IL1RAPL1: variants seen among roughly 807,000 people sequenced by gnomAD.
IL1RAPL1 encodes the protein interleukin 1 receptor accessory protein like 1, also known as interleukin-1 receptor accessory protein-like 1.
IL1RAPL1 carries 3 observed loss-of-function variants against 48.4 expected under a neutral mutation model. The ratio of observed to expected loss-of-function variants is 0.06; its 90% CI spans 0.03 to 0.16. The LOEUF (loss-of-function observed/expected upper bound fraction) is 0.16, where lower values mean the gene tolerates loss of function less well. IL1RAPL1 is among the 10% of genes least tolerant of loss of function. The pLI, the probability that IL1RAPL1 is intolerant of heterozygous loss-of-function variation, is 1.00. For synonymous variants in IL1RAPL1, 185 were observed against 187.7 expected, an observed-to-expected ratio of 0.99 and a Z score of 0.12; for missense variants, 349 against 530.6, an observed-to-expected ratio of 0.66 and a Z score of 3.36.
At chrX:28,871,984 A>G (rs1367863290) in intron 2 of IL1RAPL1, among the ~76,000 whole-genome samples, 3 of 111,836 alleles carry the variant, frequency 2.7e-5, no homozygotes, top group African/African-American at 6.5e-5. Flanking sequence ...AAGAATAAAG[A>G]CTTATTAACA....
At chrX:29,223,538 A>C (rs1167385769) in intron 2 of IL1RAPL1, among the ~76,000 whole-genome samples, 1 of 103,414 alleles carries the variant, frequency 9.7e-6, no homozygotes, top group Non-Finnish European at 2.0e-5. Flanking sequence ...TTGCAAATTC[A>C]TTTTATTACT....
intron 5 of IL1RAPL1, among the ~76,000 whole-genome samples, chrX:29,532,830 C>A (rs1017826642): frequency 1.8e-5 from 2 of 111,846 alleles, no homozygotes; most frequent in Non-Finnish European, 3.8e-5. Flanking sequence ...ACTTAACTTG[C>A]AGTAAGGTGA....
intron 5 of IL1RAPL1, among the ~76,000 whole-genome samples, chrX:29,562,327 G>A (rs2147793691): frequency 9.1e-6 from 1 of 110,136 alleles, no homozygotes; most frequent in East Asian, 2.9e-4. Flanking sequence ...TTTAAAAGGA[G>A]TCATAGACCA....
chrX:28,728,532 A>G (rs999801777), intron 1 of IL1RAPL1, among the ~76,000 whole-genome samples: 16 of 111,651 alleles, frequency 1.4e-4, no homozygotes, highest in African/African-American at 3.9e-4. Flanking sequence ...AGGAGGAAAG[A>G]TCGTTCTATC....
intron 3 of IL1RAPL1, among the ~76,000 whole-genome samples, chrX:29,381,833 A>AAAAAATAT (rs1365599735): frequency 1.2e-4 from 3 of 25,368 alleles, no homozygotes; most frequent in Non-Finnish European, 1.6e-4. Context: ...AAAAAAAAAA[A>AAAAAATAT]ATATATATAT....
At chrX:29,581,174 C>T (rs1413354213) in intron 5 of IL1RAPL1, among the ~76,000 whole-genome samples, 7 of 112,248 alleles carry the variant, frequency 6.2e-5, no homozygotes, top group African/African-American at 1.9e-4. Flanking sequence ...GATGCTGGCA[C>T]GATACACACT....
intron 6 of IL1RAPL1, among the ~76,000 whole-genome samples, chrX:29,879,888 A>G (rs1413590515): frequency 9.0e-6 from 1 of 111,116 alleles, no homozygotes; most frequent in African/African-American, 3.3e-5. Flanking sequence ...GTAAGTGTAA[A>G]AAAATAAATG....
chrX:29,939,152 T>G (rs1933083402), intron 8 of IL1RAPL1, among the ~76,000 whole-genome samples: 1 of 111,984 alleles, frequency 8.9e-6, no homozygotes, highest in Non-Finnish European at 1.9e-5. Context: ...TATTAGAAAT[T>G]ACCCCAAAGT....
chrX:29,720,408 A>G (rs1203657196), intron 6 of IL1RAPL1, among the ~76,000 whole-genome samples: 1 of 109,389 alleles, frequency 9.1e-6, no homozygotes, highest in African/African-American at 3.4e-5. Context: ...ATACACCATG[A>G]AATACTATGC....
intron 5 of IL1RAPL1, among the ~76,000 whole-genome samples, chrX:29,501,046 T>A (rs1283612974): frequency 8.9e-6 from 1 of 112,035 alleles, no homozygotes; most frequent in African/African-American, 3.2e-5. Context: ...ATTTGATGAA[T>A]AATGATATTG....
rs1601900327 is a variant in IL1RAPL1, at chrX:29,955,767, G to A, written c.2038G>A (p.Ala680Thr). 8.3e-7 allele frequency: 1 copy of A among 1,211,107 alleles called. No homozygotes were observed. The change falls in exon 11 of 11, where the codon GCC becomes ACC. Residue 680 changes from alanine to threonine, a missense_variant. Around this residue, in one of 3 missense-constraint regions of IL1RAPL1, gnomAD observed 65 missense variants for 79.6 expected, o/e 0.82. Transcript: ENST00000378993. ...QNPDEAHTNS[A>T]ILPLLPRETS... ...TCCAGATGAGGCCCACACAAACAGT[G>A]CCATCCTGCCGCTGTTGCCAAGGGA...
At position 29,517,339 on chromosome X, in the gene IL1RAPL1, G is replaced by GTA. The variant is rs768548474; in HGVS notation, c.703+118047_703+118048dup. On this transcript the variant is annotated intron_variant, in intron 5 of 10. Transcript: ENST00000378993. ...ATTTTTATATAAACACATACCAAATGTATATATATATATATATGTAACAAA... is the reference window on the plus strand; with the variant it reads ...ATTTTTATATAAACACATACCAAATGTATATATATATATATATATGTAACAAA... 9.4e-3 allele frequency among the ~76,000 whole-genome samples: 988 copies of GTA among 105,234 alleles called. 3 individuals are homozygous for GTA. Among genetic ancestry groups the GTA allele is most frequent in the East Asian group, 0.028 (96 of 3,386 alleles). The allele number at this position is 105,234 out of a possible 115,157, so 91.4% of individuals were successfully genotyped here.
intron 5 of IL1RAPL1, among the ~76,000 whole-genome samples, chrX:29,490,851 T>TATATATATATATATATAC (rs1569322860): frequency 2.5e-5 from 1 of 40,658 alleles, no homozygotes; most frequent in Non-Finnish European, 5.6e-5. Context: ...TGTGTGTGTG[T>TATATATATATATATATAC]GTATATATAT....
intron 2 of IL1RAPL1, among the ~76,000 whole-genome samples, chrX:29,061,769 C>T (rs962645777): frequency 8.0e-5 from 9 of 112,744 alleles, no homozygotes; most frequent in Non-Finnish European, 1.3e-4. Context: ...ACGTGTTTTA[C>T]ATCTTATTTA....
chrX:29,042,176 G>C (rs952352709), intron 2 of IL1RAPL1, among the ~76,000 whole-genome samples: 4 of 111,857 alleles, frequency 3.6e-5, no homozygotes, highest in African/African-American at 1.3e-4. Context: ...ACTATATTTA[G>C]ATATTCCAGA....
intron 2 of IL1RAPL1, among the ~76,000 whole-genome samples, chrX:29,109,305 T>TA (rs1439203604): frequency 9.2e-6 from 1 of 108,587 alleles, no homozygotes; most frequent in Admixed American, 9.9e-5. Flanking sequence ...TCTTTTTTTT[T>TA]TTTTTTTGTA....
At chrX:28,635,953 T>C (rs1934459379) in intron 1 of IL1RAPL1, among the ~76,000 whole-genome samples, 1 of 112,136 alleles carries the variant, frequency 8.9e-6, no homozygotes. Context: ...TACTCTCCTT[T>C]CATTGTCAGG....
chrX:28,937,868 C>T lies in IL1RAPL1; in HGVS notation c.82+148443C>T, dbSNP rs139540369. On this transcript the variant is annotated intron_variant, in intron 2 of 10. Coordinates refer to ENST00000378993, the MANE Select transcript of IL1RAPL1 (RefSeq NM_014271.4). ...TACAAAAATCATTAGCATTCCTATA[C>T]ACCAACAGCCCAGCTGAGAGCCAAA... Among the ~76,000 whole-genome samples the T allele has an allele frequency of 7.5e-3, 839 of 111,246 alleles. 7 individuals are homozygous for T. The highest frequency in any genetic ancestry group is 0.026 in the African/African-American group (791 of 30,649).
chrX:29,381,374 G>A (rs1006991319), intron 3 of IL1RAPL1, among the ~76,000 whole-genome samples: 3 of 103,708 alleles, frequency 2.9e-5, no homozygotes, highest in African/African-American at 1.1e-4. Flanking sequence ...TAATGACTTG[G>A]CTGGGTGAGG....
Sources: allele counts gnomAD v4.1 joint callset (sites outside exome capture counted in the v4.1 genomes callset), GRCh38; gene constraint gnomAD v4.1.1; regional missense constraint gnomAD v4.1.1; transcripts MANE v1.5; gene names NCBI Gene and HGNC (gene_info 2026-07-23, HGNC 2026-07-21).